The following CCDC171 variants were observed in gnomAD, a reference collection of about 807,000 sequenced individuals.
CCDC171 encodes the protein coiled-coil domain containing 171, also known as coiled-coil domain-containing protein 171.
Under a neutral mutation model 168.2 loss-of-function variants are expected in CCDC171, and 177 were observed. That is an observed-to-expected ratio of 1.05 (90% CI 0.93 to 1.19). The LOEUF is 1.19. Ranked by LOEUF, CCDC171 falls within the 50% of genes most tolerant of loss-of-function variation. The pLI is 0.00. For synonymous variants in CCDC171, 687 were observed against 540.8 expected (o/e 1.27, Z -3.75); for missense variants, 1,991 against 1,539.0 (o/e 1.29, Z -4.91).
chr9:15,799,979 A>C (rs1022562347), intron 21 of CCDC171, among the ~76,000 whole-genome samples: 1 of 151,976 alleles, frequency 6.6e-6, no homozygotes, highest in Non-Finnish European at 1.5e-5. Flanking sequence ...GCTGCGTAAT[A>C]CTCTATTGTG....
At chr9:15,694,113 T>A (rs1445725549) in intron 10 of CCDC171, among the ~76,000 whole-genome samples, 1 of 152,174 alleles carries the variant, frequency 6.6e-6, no homozygotes, top group Non-Finnish European at 1.5e-5. Context: ...TGTTCCCACA[T>A]CTTGTATCCC....
chr9:16,074,319 T>C, the CCDC171 span, among the ~76,000 whole-genome samples: 1 of 152,320 alleles, frequency 6.6e-6, no homozygotes, highest in African/African-American at 2.4e-5. Flanking sequence ...AAAACCAATT[T>C]TACTGGCATT....
chr9:15,771,282 A>G (rs1236301421), intron 18 of CCDC171, among the ~76,000 whole-genome samples: 1 of 152,192 alleles, frequency 6.6e-6, no homozygotes, highest in Non-Finnish European at 1.5e-5. Context: ...TACTATCAGT[A>G]TTCTTTACAT....
intron 3 of CCDC171, among the ~76,000 whole-genome samples, chr9:16,020,354 A>G (rs537980357): frequency 1.3e-5 from 2 of 152,346 alleles, no homozygotes; most frequent in East Asian, 3.9e-4. Flanking sequence ...AAAATTTGAA[A>G]CACTTCTGGT....
intron 21 of CCDC171, among the ~76,000 whole-genome samples, chr9:15,823,078 C>T (rs867957091): frequency 3.3e-5 from 5 of 152,126 alleles, no homozygotes; most frequent in South Asian, 2.1e-4. Context: ...AGCAAACTAT[C>T]GCAAGGAGAA....
At chr9:16,028,309 G>A (rs1833311401) in intron 6 of CCDC171, among the ~76,000 whole-genome samples, 1 of 152,208 alleles carries the variant, frequency 6.6e-6, no homozygotes, top group Non-Finnish European at 1.5e-5. Flanking sequence ...GAGTAGTGGG[G>A]AGAATGGATG....
chr9:16,033,107 C>A (rs188289805), intron 6 of CCDC171, among the ~76,000 whole-genome samples: 1 of 152,282 alleles, frequency 6.6e-6, no homozygotes, highest in Non-Finnish European at 1.5e-5. Flanking sequence ...AACAGAAACA[C>A]CAGTGTCCAC....
chr9:15,862,689 A>G (rs1308630717), intron 23 of CCDC171, among the ~76,000 whole-genome samples: 1 of 151,578 alleles, frequency 6.6e-6, no homozygotes, highest in East Asian at 1.9e-4. Flanking sequence ...TGTACCAGAG[A>G]AGACCTTCAC....
At chr9:15,969,956 C>T (rs1405641848) in intron 25 of CCDC171, among the ~76,000 whole-genome samples, 3 of 152,156 alleles carry the variant, frequency 2.0e-5, no homozygotes, top group Admixed American at 6.6e-5. Flanking sequence ...GCAAGCAAAA[C>T]CTCATTAATA....
At chr9:15,859,715 A>G (rs1224640129) in intron 23 of CCDC171, among the ~76,000 whole-genome samples, 1 of 149,426 alleles carries the variant, frequency 6.7e-6, no homozygotes, top group Non-Finnish European at 1.5e-5. Context: ...AGAGTGGTGC[A>G]GTGGCATACT....
chr9:15,684,903 T>A (rs1186437196), intron 10 of CCDC171, among the ~76,000 whole-genome samples: 1 of 152,240 alleles, frequency 6.6e-6, no homozygotes, highest in African/African-American at 2.4e-5. Context: ...TGGTTGTAGA[T>A]TCATCACAGC....
intron 1 of CCDC171, among the ~76,000 whole-genome samples, chr9:15,561,500 C>G (rs932124433): frequency 1.3e-5 from 2 of 152,126 alleles, no homozygotes; most frequent in Admixed American, 1.3e-4. Flanking sequence ...CCAAGTAAAG[C>G]TAGAAATAAA....
chr9:16,024,792 T>C (rs773956463), intron 6 of CCDC171, among the ~76,000 whole-genome samples: 4 of 152,200 alleles, frequency 2.6e-5, no homozygotes, highest in Non-Finnish European at 5.9e-5. Flanking sequence ...AGAACATGTA[T>C]GCAGAGGGGA....
chr9:15,606,620 A>T (rs2043246911), intron 6 of CCDC171, among the ~76,000 whole-genome samples: 1 of 152,204 alleles, frequency 6.6e-6, no homozygotes, highest in African/African-American at 2.4e-5. Context: ...ATACTTTTCT[A>T]ACTAGTGTAA....
At chr9:15,914,579 G>C (rs1490773140) in intron 24 of CCDC171, among the ~76,000 whole-genome samples, 1 of 152,156 alleles carries the variant, frequency 6.6e-6, no homozygotes, top group African/African-American at 2.4e-5. Flanking sequence ...TTAGCTTGCT[G>C]GGTTCCATGG....
chr9:15,874,573 G>T lies in CCDC171; in HGVS notation c.3510G>T (p.Arg1170Ser). 1 of 1,608,086 alleles carries T rather than the reference G, an allele frequency of 6.2e-7. No homozygotes were observed. Among genetic ancestry groups the T allele is most frequent in the Middle Eastern group, 1.7e-4 (1 of 6,010 alleles). Residue 1170 changes from arginine to serine, a missense_variant, in exon 24 of 26, where the codon AGG (arginine) becomes AGT (serine). Transcript: ENST00000380701. ...QISLSWSAAS[R>S]NDFTLQLPKL... The stretch of plus-strand genomic sequence containing the variant: ...CGCTGTCATGGTCTGCGGCAAGTAG[G>T]AATGACTTCACCCTACAGCTACCCA...
chr9:15,798,217 A>G (rs936937534), intron 21 of CCDC171, among the ~76,000 whole-genome samples: 2 of 152,154 alleles, frequency 1.3e-5, no homozygotes, highest in African/African-American at 4.8e-5. Flanking sequence ...GAGAGGCTTT[A>G]TAACATTCCA....
chr9:15,778,580 A>G (rs1287320211), intron 19 of CCDC171, among the ~76,000 whole-genome samples: 2 of 127,344 alleles, frequency 1.6e-5, no homozygotes, highest in Non-Finnish European at 3.2e-5. Context: ...CGGGAGGTGG[A>G]GGTTGTAGTG....
intron 24 of CCDC171, among the ~76,000 whole-genome samples, chr9:15,914,848 A>G (rs1589113910): frequency 1.3e-5 from 2 of 152,254 alleles, no homozygotes; most frequent in South Asian, 4.1e-4. Context: ...TGTGCCGGAT[A>G]GCACCATCCC....
Sources: gnomAD v4.1 joint callset for allele counts (sites outside exome capture counted in the v4.1 genomes callset) on GRCh38, gnomAD v4.1.1 for gene constraint, MANE v1.5 for transcripts, NCBI Gene and HGNC (gene_info 2026-07-23, HGNC 2026-07-21) for gene names.